Variants in SSTR3 observed in about 807,000 individuals in gnomAD.
SSTR3 encodes the protein somatostatin receptor type 3.
For synonymous variants in SSTR3, 281 were observed against 269.2 expected, an observed-to-expected ratio of 1.04 and a Z score of -0.43; for missense variants, 504 against 604.7, an observed-to-expected ratio of 0.83 and a Z score of 1.75.
rs1925612436 is a variant in SSTR3, at chr22:37,204,715, G to A, written c.*1832C>T. The A allele has an allele frequency of 6.6e-6, 1 of 152,228 alleles. No individual in the cohort carries two copies. Among genetic ancestry groups the A allele is most frequent in the Non-Finnish European group, 1.5e-5 (1 of 68,050 alleles). 9.4% of individuals were successfully genotyped at this position (152,228 alleles called of 1,614,324 possible). A position where few individuals can be genotyped will look rare whatever the true frequency, so the allele number is the denominator to read the frequency against. The stretch of plus-strand genomic sequence containing the variant: ...TACACCCCACCGTACCCATTGCAGT[G>A]AGCCTGGAAGTTACCTCACATGACT... On this transcript the variant is annotated 3_prime_UTR_variant, in exon 2 of 2. Transcript: ENST00000610913.
rs768330221 is a variant in SSTR3, at chr22:37,206,550, C to A, written c.1254G>T (p.Leu418=). The part of the protein sequence containing the change: ...EKSSTMRISY[L] ...CATCCTGGCTTTCCCCAGGCCCCTA[C>A]AGGTAGCTGATGCGCATCGTGCTGG... The change falls in exon 2 of 2, where the codon CTG becomes CTT. Residue 418 remains leucine (L), a synonymous_variant. Coordinates refer to ENST00000610913, the MANE Select transcript of SSTR3 (RefSeq NM_001051.5). 1.2e-6 allele frequency: 2 copies of A among 1,602,040 alleles called. No individual in the cohort carries two copies. The highest frequency in any genetic ancestry group is 2.7e-5 in the African/African-American group (2 of 74,794).
chr22:37,206,569 G>C lies in SSTR3; in HGVS notation c.1235C>G (p.Thr412Arg). 6.2e-7 allele frequency: 1 copy of C among 1,611,204 alleles called. No homozygotes were observed. The highest frequency in any genetic ancestry group is 8.5e-7 in the Non-Finnish European group (1 of 1,179,360). ...CCCCTACAGGTAGCTGATGCGCATCGTGCTGGACTTCTCCCCAGTGGAAGC... is the reference window on the plus strand; with the variant it reads ...CCCCTACAGGTAGCTGATGCGCATCCTGCTGGACTTCTCCCCAGTGGAAGC... ...QEASTGEKSS[T>R]MRISYL Residue 412 changes from threonine to arginine, a missense_variant, in exon 2 of 2, where the codon ACG (threonine) becomes AGG (arginine). Physicochemically the swap from Thr to Arg is moderately conservative, Grantham distance 71. Coordinates refer to ENST00000610913, the MANE Select transcript of SSTR3 (RefSeq NM_001051.5).
At chr22:37,209,834 C>T (rs1425933692) in intron 1 of SSTR3, among the ~76,000 whole-genome samples, 1 of 152,238 alleles carries the variant, frequency 6.6e-6, no homozygotes. Context: ...CATCCGCTTT[C>T]CCAGTTGCCC....
chr22:37,206,535 T>C lies in SSTR3; in HGVS notation c.*12A>G. The C allele has an allele frequency of 6.3e-7, 1 of 1,586,094 alleles. No homozygotes were observed. Among genetic ancestry groups the C allele is most frequent in the South Asian group, 1.1e-5 (1 of 88,666 alleles). Reference sequence around the variant, plus strand: ...GCCTCTTCCTCGGGCCATCCTGGCTTTCCCCAGGCCCCTACAGGTAGCTGA... The same window carrying C: ...GCCTCTTCCTCGGGCCATCCTGGCTCTCCCCAGGCCCCTACAGGTAGCTGA... On this transcript the variant is annotated 3_prime_UTR_variant, in exon 2 of 2. Coordinates refer to ENST00000610913, the MANE Select transcript of SSTR3 (RefSeq NM_001051.5).
chr22:37,210,732 T>C lies in SSTR3; in HGVS notation c.-37+1093A>G, dbSNP rs1926142046. On this transcript the variant is annotated intron_variant, in intron 1 of 1. Transcript: ENST00000610913. ...GCACAGAGAGGGTGAGTGGCTGTCC[T>C]GAGCCGCACAGCCCTAACAGTTCAG... 7.1e-6 allele frequency: 7 copies of C among 985,328 alleles called. No individual in the cohort carries two copies. The South Asian group carries it at 2.3e-4, about 33-fold the overall frequency. 61.0% of individuals were successfully genotyped at this position (985,328 alleles called of 1,614,324 possible).
At position 37,212,113 on chromosome 22, in the gene SSTR3, G is replaced by A. The variant is rs959128214; in HGVS notation, c.-325C>T. The A allele has an allele frequency of 1.2e-5, 12 of 985,274 alleles. No homozygotes were observed. Among genetic ancestry groups the A allele is most frequent in the African/African-American group, 1.8e-5 (1 of 57,132 alleles). The allele number at this position is 985,274 out of a possible 1,614,324, so 61.0% of individuals were successfully genotyped here. On this transcript the variant is annotated 5_prime_UTR_variant, in exon 1 of 2. Transcript: ENST00000610913. ...TGGGGGGGCAGGGGCAAGGATAGGG[G>A]GGAGAAGCTTCCCAGGGTGAGGAAG...
chr22:37,219,849 C>G, the SSTR3 span, among the ~76,000 whole-genome samples: 1 of 152,178 alleles, frequency 6.6e-6, no homozygotes, highest in South Asian at 2.1e-4. Context: ...TCCAGGTCAG[C>G]TCTTGTACAT....
At chr22:37,215,397 T>C (rs1046725237), upstream of SSTR3, among the ~76,000 whole-genome samples, 15 of 152,298 alleles carry the variant, frequency 9.8e-5, no homozygotes, top group Admixed American at 2.6e-4. Flanking sequence ...ATTTTTTTCT[T>C]TTTTTTGAGA....
At chr22:37,214,700 A>C (rs968004260), upstream of SSTR3, among the ~76,000 whole-genome samples, 5 of 152,082 alleles carry the variant, frequency 3.3e-5, no homozygotes, top group African/African-American at 1.2e-4. Flanking sequence ...CCCCCTACTC[A>C]GCAGAGAGAG....
chr22:37,211,295 A>G (rs1926175520), intron 1 of SSTR3, among the ~76,000 whole-genome samples: 1 of 152,084 alleles, frequency 6.6e-6, no homozygotes. Flanking sequence ...ACTCACTGGC[A>G]CCCCAGGCCT....
At position 37,207,695 on chromosome 22, in the gene SSTR3, G is replaced by T. The variant is rs774150809; in HGVS notation, c.109C>A (p.Pro37Thr). 1 of 1,557,646 alleles carries T rather than the reference G, an allele frequency of 6.4e-7. No individual in the cohort carries two copies. The highest frequency in any genetic ancestry group is 8.7e-7 in the Non-Finnish European group (1 of 1,149,074). ...ACGCCACTGACGGCCAGCCCTGCCG[G>T]GCTTGGGCCCGCCGACACGTTGCCC... ...TLGNVSAGPS[P>T]AGLAVSGVLI... is the part of the protein sequence containing the mutation. Residue 37 changes from proline to threonine, a missense_variant, in exon 2 of 2, where the codon CCG (proline) becomes ACG (threonine). By Grantham distance (38) the Pro-to-Thr change is conservative (BLOSUM62 -1). Transcript: ENST00000610913.
At position 37,212,220 on chromosome 22, in the gene SSTR3, AGAG is replaced by A; in HGVS notation, c.-435_-433del. 1 of 892,528 alleles carries A rather than the reference AGAG, an allele frequency of 1.1e-6. No individual in the cohort carries two copies. The highest frequency in any genetic ancestry group is 1.3e-6 in the Non-Finnish European group (1 of 746,466). 55.3% of individuals were successfully genotyped at this position (892,528 alleles called of 1,614,324 possible). A position where few individuals can be genotyped will look rare whatever the true frequency, so the allele number is the denominator to read the frequency against. ...GGAGGAGGTGGAGAAAGAGAGAGAG[AGAG>A]AAAGAGGGAGGGGGAGAGAGAGAGA... is the stretch of plus-strand genomic sequence containing the variant. On this transcript the variant is annotated 5_prime_UTR_variant, in exon 1 of 2. Coordinates refer to ENST00000610913, the MANE Select transcript of SSTR3 (RefSeq NM_001051.5).
upstream of SSTR3, among the ~76,000 whole-genome samples, chr22:37,214,855 G>A (rs9622575): frequency 1.4e-4 from 22 of 152,182 alleles, no homozygotes; most frequent in Non-Finnish European, 2.1e-4. Context: ...TCCGCCACTC[G>A]GCCCTCTTCT....
At chr22:37,212,499 C>T (rs1339835088), upstream of SSTR3, among the ~76,000 whole-genome samples, 4 of 40,406 alleles carry the variant, frequency 9.9e-5, no homozygotes, top group South Asian at 1.6e-3. Flanking sequence ...GGCTGAGGGC[C>T]GGAGAGCAGG....
chr22:37,216,444 A>G (rs181212316), upstream of SSTR3, among the ~76,000 whole-genome samples: 175 of 152,280 alleles, frequency 1.1e-3, no homozygotes, highest in African/African-American at 3.6e-3. Context: ...CAATGTAAAT[A>G]TTATTTCCTG....
intron 1 of SSTR3, among the ~76,000 whole-genome samples, chr22:37,208,592 T>C (rs1303262351): frequency 1.3e-5 from 2 of 152,198 alleles, no homozygotes; most frequent in Non-Finnish European, 2.9e-5. Context: ...CCAAGAGTAG[T>C]CCCTCCCCCT....
the SSTR3 span, among the ~76,000 whole-genome samples, chr22:37,219,562 C>T: frequency 2.0e-5 from 3 of 152,122 alleles, no homozygotes; most frequent in Non-Finnish European, 4.4e-5. Context: ...AGTCAGATGT[C>T]CCCAAATGTC....
rs772032322 is a variant in SSTR3 at position 37,207,120 on chromosome 22, G to A, written c.684C>T (p.Leu228=). 5.0e-6 allele frequency: 8 copies of A among 1,612,642 alleles called. No homozygotes were observed. Among genetic ancestry groups the A allele is most frequent in the Non-Finnish European group, 6.8e-6 (8 of 1,179,700 alleles). Residue 228 remains leucine, a synonymous_variant, in exon 2 of 2, where the codon CTC becomes CTT. Coordinates refer to ENST00000610913, the MANE Select transcript of SSTR3 (RefSeq NM_001051.5). ...PLLVICLCYL[L]IVVKVRSAGR... Reference sequence around the variant, plus strand: ...CAGCTGAGCGCACCTTCACCACGATGAGCAGGTAGCAGAGGCAGATGACCA... The same window carrying A: ...CAGCTGAGCGCACCTTCACCACGATAAGCAGGTAGCAGAGGCAGATGACCA...
At chr22:37,210,952 AAGCCTC>A in intron 1 of SSTR3, 1 of 985,492 alleles carries the variant, frequency 1.0e-6, no homozygotes, top group Non-Finnish European at 1.2e-6. Context: ...CCCCGGATGG[AAGCCTC>A]AGACTCACAT....
Sources: gnomAD v4.1 joint callset for allele counts (sites outside exome capture counted in the v4.1 genomes callset) on GRCh38, gnomAD v4.1.1 for gene constraint, MANE v1.5 for transcripts, NCBI Gene and HGNC (gene_info 2026-07-23, HGNC 2026-07-21) for gene names.